The following GTF2H1 variants were observed in gnomAD, a reference collection of about 807,000 sequenced individuals.
The protein encoded by GTF2H1 is BTF2 p62.
In GTF2H1, 16 loss-of-function variants were observed where a neutral mutation model predicts 71.2. The ratio of observed to expected loss-of-function variants is 0.22; its 90% CI spans 0.15 to 0.34. The LOEUF is 0.34. Ranked by LOEUF, GTF2H1 falls within the 10% of genes least tolerant of loss-of-function variation. The pLI is 1.00. For missense variants in GTF2H1, 498 were observed against 648.2 expected (o/e 0.77, Z 2.52); for synonymous variants, 215 against 219.0 (o/e 0.98, Z 0.16).
At chr11:18,347,035 C>T (rs1245858523) in intron 7 of GTF2H1, 1 of 150,276 alleles carries the variant, frequency 6.7e-6, no homozygotes, top group Non-Finnish European at 1.5e-5. Context: ...GACTCTATTG[C>T]TTTTATTTAA....
chr11:18,361,207 ACTGT>A lies in GTF2H1; in HGVS notation c.1560+505_1560+508del, dbSNP rs1378100492. ...TACATATTTTTTAAATAATAAAATAACTGTCTGTTTACTCACCAATCAGGAAAAT... is the reference window on the plus strand; with the variant it reads ...TACATATTTTTTAAATAATAAAATAACTGTTTACTCACCAATCAGGAAAAT... On this transcript the variant is annotated intron_variant, in intron 14 of 14. Coordinates refer to ENST00000265963, the MANE Select transcript of GTF2H1 (RefSeq NM_005316.4). 4.6e-5 allele frequency among the ~76,000 whole-genome samples: 7 copies of A among 152,300 alleles called. No individual in the cohort carries two copies. The East Asian group carries it at 5.8e-4, about 13-fold the overall frequency.
intron 3 of GTF2H1, among the ~76,000 whole-genome samples, chr11:18,337,338 G>C (rs1451390882): frequency 6.6e-6 from 1 of 152,060 alleles, no homozygotes; most frequent in African/African-American, 2.4e-5. Flanking sequence ...CCAGCAACTT[G>C]GGAGGCTGAG....
chr11:18,327,140 T>G (rs1864786342), intron 1 of GTF2H1, among the ~76,000 whole-genome samples: 1 of 152,170 alleles, frequency 6.6e-6, no homozygotes, highest in Admixed American at 6.5e-5. Context: ...CTATTGAAAA[T>G]AGAAAACACT....
rs1329447143 is a variant in GTF2H1, at chr11:18,333,203, C to T, written c.129C>T (p.Ile43=). Residue 43 remains isoleucine, a synonymous_variant, in exon 2 of 15, where the codon ATC becomes ATT. Transcript: ENST00000265963. ...CTGAAGGCAAAGATAGATTTACAAT[C>T]AGCCATATGTATGCAGATATTAAAT... ...WAPEGKDRFT[I]SHMYADIKCQ... 1.2e-6 allele frequency: 2 copies of T among 1,613,146 alleles called. No individual in the cohort carries two copies. The highest frequency in any genetic ancestry group is 1.7e-6 in the Non-Finnish European group (2 of 1,179,376).
At chr11:18,349,400 T>C (rs924449308) in intron 9 of GTF2H1, among the ~76,000 whole-genome samples, 18 of 151,952 alleles carry the variant, frequency 1.2e-4, no homozygotes, top group African/African-American at 4.1e-4. Flanking sequence ...AGAAATTTCT[T>C]GGCCAGGAGC....
At chr11:18,342,753 A>G (rs1020166643) in intron 7 of GTF2H1, among the ~76,000 whole-genome samples, 2 of 152,198 alleles carry the variant, frequency 1.3e-5, no homozygotes, top group Admixed American at 6.5e-5. Flanking sequence ...TTTAAAATAA[A>G]CATGATGGCA....
chr11:18,326,448 G>A (rs1235485510), intron 1 of GTF2H1, among the ~76,000 whole-genome samples: 4 of 152,170 alleles, frequency 2.6e-5, no homozygotes, highest in South Asian at 4.2e-4. Flanking sequence ...CTTGAATCCG[G>A]GAGGTGGAGG....
chr11:18,330,746 C>T (rs1864874855), intron 1 of GTF2H1, among the ~76,000 whole-genome samples: 1 of 152,194 alleles, frequency 6.6e-6, no homozygotes, highest in Non-Finnish European at 1.5e-5. Context: ...CACACATATA[C>T]ACACTTGCTC....
At chr11:18,327,813 T>G (rs1241486242) in intron 1 of GTF2H1, among the ~76,000 whole-genome samples, 1 of 152,196 alleles carries the variant, frequency 6.6e-6, no homozygotes, top group African/African-American at 2.4e-5. Context: ...GGTCGCAAAC[T>G]CCTGGTCTCA....
At chr11:18,347,046 C>T (rs539030651) in intron 7 of GTF2H1, 8 of 149,330 alleles carry the variant, frequency 5.4e-5, no homozygotes, top group Admixed American at 1.3e-4. Context: ...TTTTATTTAA[C>T]GTTTTGATAA....
intron 7 of GTF2H1, among the ~76,000 whole-genome samples, chr11:18,345,923 T>C (rs556052339): frequency 6.6e-6 from 1 of 152,090 alleles, no homozygotes; most frequent in South Asian, 2.1e-4. Flanking sequence ...CCTGAGTAGC[T>C]GGGACTACAG....
rs71047585 is a variant in GTF2H1 at position 18,342,252 on chromosome 11, C to CTTTTT, written c.837+668_837+672dup. On this transcript the variant is annotated intron_variant, in intron 7 of 14. Transcript: ENST00000265963. ...TCTTATTTTTCTTCTTTTTCTGTCTCTTTTTTTTTTTTTTTTTTTTTTTTT... is the reference window on the plus strand; with the variant it reads ...TCTTATTTTTCTTCTTTTTCTGTCTCTTTTTTTTTTTTTTTTTTTTTTTTTTTTTT... Among the ~76,000 whole-genome samples the CTTTTT allele has an allele frequency of 4.1e-5, 3 of 72,720 alleles. 1 individual carries two copies. The highest frequency in any genetic ancestry group is 7.4e-5 in the Non-Finnish European group (3 of 40,656). The allele number at this position is 72,720 out of a possible 152,430, so 47.7% of individuals were successfully genotyped here.
chr11:18,336,621 G>A (rs1865034834), intron 3 of GTF2H1, among the ~76,000 whole-genome samples: 1 of 152,258 alleles, frequency 6.6e-6, no homozygotes, highest in East Asian at 1.9e-4. Context: ...GGGATTGGAA[G>A]GTGCTGAAGT....
intron 14 of GTF2H1, among the ~76,000 whole-genome samples, chr11:18,365,178 G>C (rs1470200742): frequency 6.6e-6 from 1 of 151,138 alleles, no homozygotes; most frequent in Non-Finnish European, 1.5e-5. Flanking sequence ...AGGAGTTCAA[G>C]ACCAGCCTGG....
At chr11:18,337,219 A>G (rs989121633) in intron 3 of GTF2H1, among the ~76,000 whole-genome samples, 22 of 152,294 alleles carry the variant, frequency 1.4e-4, no homozygotes, top group African/African-American at 5.3e-4. Flanking sequence ...ACTTGAAGTC[A>G]GAAGTTCAAG....
Position 18,361,854 on chromosome 11 carries a change from G to A in GTF2H1, c.1560+1147G>A, listed in dbSNP as rs191740538. 2.6e-3 allele frequency among the ~76,000 whole-genome samples: 398 copies of A among 152,344 alleles called. 4 individuals are homozygous for A. Among genetic ancestry groups the A allele is most frequent in the Middle Eastern group, 0.024 (7 of 294 alleles). The stretch of plus-strand genomic sequence containing the variant: ...AGCTTCCCTGATTGTTTACAGTGGG[G>A]AAAGTCAGTGGATGAGGTATTGAGA... On this transcript the variant is annotated intron_variant, in intron 14 of 14. Coordinates refer to ENST00000265963, the MANE Select transcript of GTF2H1 (RefSeq NM_005316.4).
intron 7 of GTF2H1, 123 bp from the exon 8 acceptor site, chr11:18,347,465 T>TATTTATGAACAAAC: frequency 1.7e-6 from 1 of 600,910 alleles, no homozygotes; most frequent in Non-Finnish European, 2.9e-6. Context: ...TGTTCATAAA[T>TATTTATGAACAAAC]ATTTAATGTT....
intron 11 of GTF2H1, among the ~76,000 whole-genome samples, chr11:18,356,264 G>A (rs1016743475): frequency 6.6e-6 from 1 of 151,850 alleles, no homozygotes; most frequent in African/African-American, 2.4e-5. Context: ...TGTAGTCTCA[G>A]CTACTCGGGA....
chr11:18,343,238 G>T (rs1312149479), intron 7 of GTF2H1, among the ~76,000 whole-genome samples: 1 of 151,976 alleles, frequency 6.6e-6, no homozygotes, highest in Non-Finnish European at 1.5e-5. Context: ...CAGTTTTTTT[G>T]TTTTTGTTTT....
Sources: gnomAD v4.1 joint callset for allele counts (sites outside exome capture counted in the v4.1 genomes callset) on GRCh38, gnomAD v4.1.1 for gene constraint, MANE v1.5 for transcripts, NCBI Gene and HGNC (gene_info 2026-07-23, HGNC 2026-07-21) for gene names.